The following MAPK8IP3 variants were observed in gnomAD, a reference collection of about 807,000 sequenced individuals.
MAPK8IP3 encodes the protein C-Jun-amino-terminal kinase-interacting protein 3.
In MAPK8IP3, 49 loss-of-function variants were observed where a neutral mutation model predicts 157.8. The ratio of observed to expected loss-of-function variants is 0.31; its 90% confidence interval spans 0.25 to 0.39. The LOEUF is 0.39. MAPK8IP3 is among the 10% of genes least tolerant of loss of function. The pLI is 1.00. For synonymous variants in MAPK8IP3, 897 were observed against 777.7 expected, an observed-to-expected ratio of 1.15 and a Z score of -2.55; for missense variants, 1,478 against 1,889.4, an observed-to-expected ratio of 0.78 and a Z score of 4.04.
chr16:1,734,497 G>A (rs1381815549), intron 4 of MAPK8IP3, among the ~76,000 whole-genome samples: 1 of 152,258 alleles, frequency 6.6e-6, no homozygotes, highest in African/African-American at 2.4e-5. Flanking sequence ...CCACCTGCCT[G>A]CAGGCGTGGA....
chr16:1,765,569 C>T (rs1157171341), intron 20 of MAPK8IP3, among the ~76,000 whole-genome samples: 1 of 152,208 alleles, frequency 6.6e-6, no homozygotes. Context: ...CCCCTGTGGG[C>T]AGTAGCCTTG....
At chr16:1,768,138 G>A in intron 29 of MAPK8IP3, 31 bp downstream of exon 29, 1 of 1,612,056 alleles carries the variant, frequency 6.2e-7, no homozygotes, top group Admixed American at 1.7e-5. Flanking sequence ...TCCCCTCACG[G>A]GAGCCTCTCC....
intron 4 of MAPK8IP3, among the ~76,000 whole-genome samples, chr16:1,739,182 G>C (rs2040401949): frequency 7.4e-6 from 1 of 135,150 alleles, no homozygotes; most frequent in Non-Finnish European, 1.6e-5. Context: ...ATCCATGTGA[G>C]CATCCGTGTG....
In MAPK8IP3 at chr16:1,766,253, A is replaced by G. The variant is rs1241038691; in HGVS notation, c.2663A>G (p.Asn888Ser). 1.2e-6 allele frequency: 2 copies of G among 1,611,696 alleles called. No homozygotes were observed. Among genetic ancestry groups the G allele is most frequent in the Non-Finnish European group, 1.7e-6 (2 of 1,179,536 alleles). ...GCCACCATCGCCAACGGGAAGGTCAACCCGTCCCAGTCCACAGAGGAGGCC... is the reference window on the plus strand; with the variant it reads ...GCCACCATCGCCAACGGGAAGGTCAGCCCGTCCCAGTCCACAGAGGAGGCC... ...EVATIANGKV[N>S]PSQSTEEATE... The change falls in exon 22 of 32, where the codon AAC (asparagine) becomes AGC (serine). Residue 888 changes from asparagine (N) to serine (S), a missense_variant. Transcript: ENST00000610761.
At chr16:1,767,397 C>G (rs1248649242) in intron 26 of MAPK8IP3, 100 bp downstream of exon 26, 5 of 1,523,206 alleles carry the variant, frequency 3.3e-6, no homozygotes, top group Non-Finnish European at 4.5e-6. Context: ...CTACGTGGGT[C>G]CCATCTCCCC....
chr16:1,730,682 A>C (rs570814954), intron 4 of MAPK8IP3, among the ~76,000 whole-genome samples: 1 of 152,220 alleles, frequency 6.6e-6, no homozygotes, highest in East Asian at 1.9e-4. Flanking sequence ...TCTCTACTAA[A>C]AATATAAAAA....
rs750015000 is a variant in MAPK8IP3 at position 1,768,795 on chromosome 16, G to C, written c.3985G>C (p.Val1329Leu). ...LSKAERSHII[V>L]WQVSYTPE ...CAAGGCAGAGCGCAGTCACATCATC[G>C]TGTGGCAGGTGTCCTACACCCCCGA... is the stretch of plus-strand genomic sequence containing the variant. Residue 1329 changes from valine to leucine, a missense_variant, in exon 32 of 32, where the codon GTG becomes CTG. Transcript: ENST00000610761. The C allele has an allele frequency of 8.1e-6, 13 of 1,612,412 alleles. No individual in the cohort carries two copies. Among genetic ancestry groups the C allele is most frequent in the Non-Finnish European group, 3.4e-6 (4 of 1,179,802 alleles).
At position 1,751,565 on chromosome 16, in the gene MAPK8IP3, T is replaced by G. The variant is rs2041290721; in HGVS notation, c.1216+2845T>G. On this transcript the variant is annotated intron_variant, in intron 8 of 31. Transcript: ENST00000610761. This position sits in a 1 kb window ranked among gnomAD's most constrained non-coding sequence, Gnocchi z 5.0. ...CCCTAACTCTGAGCAAGGTCTGTGCTGTTCAGTAGCTCTATTGAGATGTGA... is the reference window on the plus strand; with the variant it reads ...CCCTAACTCTGAGCAAGGTCTGTGCGGTTCAGTAGCTCTATTGAGATGTGA... 6.6e-6 allele frequency: 1 copy of G among 152,220 alleles called. No individual in the cohort carries two copies. The highest frequency in any genetic ancestry group is 1.5e-5 in the Non-Finnish European group (1 of 68,058). 9.4% of individuals were successfully genotyped at this position (152,220 alleles called of 1,614,324 possible).
At chr16:1,709,510 C>CG (rs1422070919) in intron 1 of MAPK8IP3, among the ~76,000 whole-genome samples, 3 of 152,284 alleles carry the variant, frequency 2.0e-5, no homozygotes, top group African/African-American at 7.2e-5. Context: ...GAACCCTTGA[C>CG]GGGTTCTCAG....
chr16:1,761,308 A>G lies in MAPK8IP3; in HGVS notation c.1539+3A>G. On this transcript the variant is annotated splice_donor_region_variant and intron_variant, in intron 13 of 31. Transcript: ENST00000610761. ...GCAGCTATCTCTGTACAGAATCGGT[A>G]CATCCACTCTTCACTCTTCACATGC... 6.2e-7 allele frequency: 1 copy of G among 1,612,698 alleles called. No homozygotes were observed. The highest frequency in any genetic ancestry group is 8.5e-7 in the Non-Finnish European group (1 of 1,179,598).
At chr16:1,765,809 G>A (rs1185333076) in intron 20 of MAPK8IP3, 151 bp from the exon 21 acceptor site, 5 of 712,738 alleles carry the variant, frequency 7.0e-6, no homozygotes, top group Non-Finnish European at 1.2e-5. Flanking sequence ...GAGGGTCGTG[G>A]GTGGGCTGTG....
At chr16:1,761,155 C>T in intron 12 of MAPK8IP3, 69 bp from the exon 13 acceptor site, 2 of 1,290,198 alleles carry the variant, frequency 1.6e-6, no homozygotes, top group East Asian at 2.3e-5. Flanking sequence ...GGGGCGGGCA[C>T]TGCCCGCTAT....
At chr16:1,748,996 A>C in intron 8 of MAPK8IP3, 1 of 533,152 alleles carries the variant, frequency 1.9e-6, no homozygotes, top group Non-Finnish European at 3.5e-6. Context: ...ACTCTAAATC[A>C]CCTCTAGGTT....
intron 5 of MAPK8IP3, chr16:1,746,180 G>A (rs2040949721): frequency 6.6e-6 from 1 of 152,300 alleles, no homozygotes; most frequent in South Asian, 2.1e-4. Flanking sequence ...CCACGGGCAA[G>A]CTCTGCCATA....
At position 1,742,826 on chromosome 16, in the gene MAPK8IP3, T is replaced by G. The variant is rs903964081; in HGVS notation, c.603-506T>G. Among the ~76,000 whole-genome samples, 11 of 152,048 alleles carry G rather than the reference T, an allele frequency of 7.2e-5. No individual in the cohort carries two copies. Among genetic ancestry groups the G allele is most frequent in the African/African-American group, 2.4e-4 (10 of 41,388 alleles). ...TAAAGCACACCCGGCTTGTGTCTGTTTAAAATTGAACTTAGGCCGGGCGCG... is the reference window on the plus strand; with the variant it reads ...TAAAGCACACCCGGCTTGTGTCTGTGTAAAATTGAACTTAGGCCGGGCGCG... On this transcript the variant is annotated intron_variant, in intron 4 of 31. Coordinates refer to ENST00000610761, the MANE Select transcript of MAPK8IP3 (RefSeq NM_001318852.2). The surrounding 1 kb of genome is among the most constrained non-coding windows in gnomAD (Gnocchi z 5.0).
intron 27 of MAPK8IP3, 26 bp downstream of exon 27, chr16:1,767,761 G>A (rs1280410685): frequency 1.2e-6 from 2 of 1,611,940 alleles, no homozygotes; most frequent in African/African-American, 2.7e-5. Flanking sequence ...AGATGGGGTG[G>A]TGGGGTGCTC....
intron 5 of MAPK8IP3, 107 bp from the exon 6 acceptor site, chr16:1,746,922 G>A: frequency 7.3e-7 from 1 of 1,374,030 alleles, no homozygotes; most frequent in East Asian, 2.5e-5. Flanking sequence ...TGTCGGGCGA[G>A]GCAAAGTGCA....
intron 4 of MAPK8IP3, among the ~76,000 whole-genome samples, chr16:1,739,071 TGA>T (rs1287015669): frequency 2.5e-5 from 3 of 121,186 alleles, no homozygotes; most frequent in African/African-American, 6.5e-5. Context: ...AGCGTCCGTG[TGA>T]GTGTGACCAT....
At chr16:1,718,354 T>C (rs1413245439) in intron 1 of MAPK8IP3, among the ~76,000 whole-genome samples, 1 of 151,668 alleles carries the variant, frequency 6.6e-6, no homozygotes, top group Non-Finnish European at 1.5e-5. Context: ...CTGGCTAATT[T>C]TGTATTTTTA....
Sources: allele counts gnomAD v4.1 joint callset (sites outside exome capture counted in the v4.1 genomes callset), GRCh38; gene constraint gnomAD v4.1.1; non-coding constraint Gnocchi (gnomAD v3.1); transcripts MANE v1.5; gene names NCBI Gene and HGNC (gene_info 2026-07-23, HGNC 2026-07-21).